ACKR3: variants seen among roughly 807,000 people sequenced by gnomAD.
ACKR3 encodes atypical chemokine receptor 3, also known as C-X-C chemokine receptor type 7.
In ACKR3, 6 loss-of-function variants were observed where a neutral mutation model predicts 22.4. The ratio of observed to expected loss-of-function variants is 0.27; its 90% CI spans 0.15 to 0.53. The LOEUF (loss-of-function observed/expected upper bound fraction) is 0.53, where lower values mean the gene tolerates loss of function less well. ACKR3 is among the 20% of genes least tolerant of loss of function. ACKR3 has a pLI of 0.96. For missense variants in ACKR3, 396 were observed against 475.2 expected, an observed-to-expected ratio of 0.83 and a Z score of 1.55; for synonymous variants, 209 against 205.2, an observed-to-expected ratio of 1.02 and a Z score of -0.16.
chr2:236,581,625 G>C lies in ACKR3; in HGVS notation c.*71G>C, dbSNP rs1186964474. On this transcript the variant is annotated 3_prime_UTR_variant, in exon 2 of 2. Coordinates refer to ENST00000272928, the MANE Select transcript of ACKR3 (RefSeq NM_020311.3). This position sits in a 1 kb window ranked among gnomAD's most constrained non-coding sequence, Gnocchi z 4.4. ...GGGTGATGGGCCCTATGGTTTTCTA[G>C]AGCAAAGCAAAGTAGCTTCGGGTCT... The C allele has an allele frequency of 6.5e-7, 1 of 1,533,306 alleles. No individual in the cohort carries two copies. Among genetic ancestry groups the C allele is most frequent in the Non-Finnish European group, 8.8e-7 (1 of 1,140,346 alleles). The allele number at this position is 1,533,306 out of a possible 1,614,324, so 95.0% of individuals were successfully genotyped here.
At chr2:236,567,407 C>A (rs1691207674), upstream of ACKR3, among the ~76,000 whole-genome samples, 1 of 152,206 alleles carries the variant, frequency 6.6e-6, no homozygotes, top group Non-Finnish European at 1.5e-5. Context: ...AGCCGGGACC[C>A]CTAGAGGATG....
upstream of ACKR3, among the ~76,000 whole-genome samples, chr2:236,567,000 T>C (rs946903622): frequency 1.3e-5 from 2 of 151,656 alleles, no homozygotes; most frequent in African/African-American, 4.9e-5. Flanking sequence ...CCTTCCTTCC[T>C]TCCCCCTTCC....
intron 1 of ACKR3, among the ~76,000 whole-genome samples, chr2:236,571,646 A>C (rs965274096): frequency 6.7e-6 from 1 of 148,584 alleles, no homozygotes; most frequent in African/African-American, 2.5e-5. Context: ...AAAAAAACCC[A>C]AAACAAAAAA....
chr2:236,555,878 T>C, the ACKR3 span, among the ~76,000 whole-genome samples: 1 of 151,886 alleles, frequency 6.6e-6, no homozygotes, highest in Non-Finnish European at 1.5e-5. Context: ...ACAGGGCTTC[T>C]GTAGAAGCAA....
chr2:236,581,328 G>A lies in ACKR3; in HGVS notation c.863G>A (p.Arg288Gln), dbSNP rs753186392. The A allele has an allele frequency of 7.4e-6, 12 of 1,613,736 alleles. No individual in the cohort carries two copies. Among genetic ancestry groups the A allele is most frequent in the East Asian group, 2.2e-5 (1 of 44,876 alleles). ...CTGCACTACATCCCTTTCACCTGCC[G>A]GCTGGAGCACGCCCTCTTCACGGCC... ...SILHYIPFTC[R>Q]LEHALFTALH... Residue 288 changes from arginine (R) to glutamine (Q), a missense_variant, in exon 2 of 2, where the codon CGG becomes CAG. Coordinates refer to ENST00000272928, the MANE Select transcript of ACKR3 (RefSeq NM_020311.3). The surrounding 1 kb of genome is among the most constrained non-coding windows in gnomAD (Gnocchi z 4.4).
the ACKR3 span, among the ~76,000 whole-genome samples, chr2:236,547,477 C>A: frequency 2.6e-5 from 4 of 152,088 alleles, no homozygotes; most frequent in African/African-American, 9.7e-5. Flanking sequence ...AGATTATTTT[C>A]TTTGTTCACG....
chr2:236,546,935 C>G, the ACKR3 span, among the ~76,000 whole-genome samples: 1 of 152,222 alleles, frequency 6.6e-6, no homozygotes, highest in African/African-American at 2.4e-5. The surrounding 1 kb of genome is among the most constrained non-coding windows in gnomAD (Gnocchi z 4.9). Context: ...GGTGGTTGTT[C>G]CCACTGTAAA....
intron 1 of ACKR3, among the ~76,000 whole-genome samples, chr2:236,571,119 T>A (rs1420085666): frequency 6.6e-6 from 1 of 152,270 alleles, no homozygotes; most frequent in East Asian, 1.9e-4. Flanking sequence ...TGCTGGTTTC[T>A]GTGCTTTAAC....
In ACKR3 at chr2:236,577,967, T is replaced by A. The variant is rs1023765549; in HGVS notation, c.-26-2473T>A. 3.9e-5 allele frequency among the ~76,000 whole-genome samples: 6 copies of A among 152,100 alleles called. No individual in the cohort carries two copies. The highest frequency in any genetic ancestry group is 3.3e-4 in the Admixed American group (5 of 15,282). ...TCCTCTGCTCCCCGGGACTCTGGGG[T>A]CAGATGAGATCATGGGGGAAAGTGT... On this transcript the variant is annotated intron_variant, in intron 1 of 1. Coordinates refer to ENST00000272928, the MANE Select transcript of ACKR3 (RefSeq NM_020311.3). The surrounding 1 kb of genome is among the most constrained non-coding windows in gnomAD (Gnocchi z 5.6).
the ACKR3 span, among the ~76,000 whole-genome samples, chr2:236,537,746 A>T: frequency 6.6e-6 from 1 of 152,220 alleles, no homozygotes; most frequent in Non-Finnish European, 1.5e-5. Flanking sequence ...CAAGAACTGG[A>T]GGGAGGGAAA....
At chr2:236,563,845 G>A (rs191055140), upstream of ACKR3, among the ~76,000 whole-genome samples, 31 of 152,252 alleles carry the variant, frequency 2.0e-4, no homozygotes, top group Middle Eastern at 6.8e-3. Context: ...TACTGCAGCC[G>A]CTGTGCCCCC....
the ACKR3 span, among the ~76,000 whole-genome samples, chr2:236,560,531 CT>C: frequency 6.6e-6 from 1 of 152,026 alleles, no homozygotes; most frequent in Non-Finnish European, 1.5e-5. Flanking sequence ...GACTATTGTT[CT>C]TTTTTTCCCT....
the ACKR3 span, among the ~76,000 whole-genome samples, chr2:236,557,323 T>C: frequency 1.3e-5 from 2 of 151,824 alleles, no homozygotes; most frequent in Non-Finnish European, 2.9e-5. Context: ...TGAGAGAGCC[T>C]GGAAGTTGCA....
At chr2:236,575,538 CTG>C (rs1201239469) in intron 1 of ACKR3, among the ~76,000 whole-genome samples, 1 of 76,466 alleles carries the variant, frequency 1.3e-5, no homozygotes, top group Non-Finnish European at 2.5e-5. Context: ...GTGCGTGTGT[CTG>C]GGGTTGTGCT....
chr2:236,558,498 C>T, the ACKR3 span, among the ~76,000 whole-genome samples: 1 of 152,130 alleles, frequency 6.6e-6, no homozygotes, highest in Non-Finnish European at 1.5e-5. Flanking sequence ...TGCTGACCTC[C>T]TACCTCTGCT....
chr2:236,553,691 T>C, the ACKR3 span, among the ~76,000 whole-genome samples: 1 of 152,254 alleles, frequency 6.6e-6, no homozygotes, highest in African/African-American at 2.4e-5. Flanking sequence ...TCAGGAGGGT[T>C]TCCCGCCATG....
chr2:236,581,572 C>A lies in ACKR3; in HGVS notation c.*18C>A. ...CCAAATGATCTGCCCTGGAGAGGCTCTGGGACGGGTTTACTTGTTTTTGAA... is the reference window on the plus strand; with the variant it reads ...CCAAATGATCTGCCCTGGAGAGGCTATGGGACGGGTTTACTTGTTTTTGAA... On this transcript the variant is annotated 3_prime_UTR_variant, in exon 2 of 2. Coordinates refer to ENST00000272928, the MANE Select transcript of ACKR3 (RefSeq NM_020311.3). The surrounding 1 kb of genome is among the most constrained non-coding windows in gnomAD (Gnocchi z 4.4). 1 of 1,601,518 alleles carries A rather than the reference C, an allele frequency of 6.2e-7. No individual in the cohort carries two copies. The highest frequency in any genetic ancestry group is 8.5e-7 in the Non-Finnish European group (1 of 1,171,504).
chr2:236,550,262 G>A, the ACKR3 span, among the ~76,000 whole-genome samples: 3 of 152,210 alleles, frequency 2.0e-5, no homozygotes, highest in East Asian at 5.8e-4. The surrounding 1 kb of genome is among the most constrained non-coding windows in gnomAD (Gnocchi z 4.6). Context: ...CACTGGACAC[G>A]TAATGTGGCA....
intron 1 of ACKR3, among the ~76,000 whole-genome samples, chr2:236,575,665 G>T (rs1193730722): frequency 8.3e-6 from 1 of 119,960 alleles, no homozygotes; most frequent in Non-Finnish European, 1.8e-5. Flanking sequence ...TGTGCTGTGT[G>T]TGCGTTTCTG....
Sources: gnomAD v4.1 joint callset for allele counts (sites outside exome capture counted in the v4.1 genomes callset) on GRCh38, gnomAD v4.1.1 for gene constraint, Gnocchi (gnomAD v3.1) non-coding constraint, MANE v1.5 for transcripts, NCBI Gene and HGNC (gene_info 2026-07-23, HGNC 2026-07-21) for gene names.